The following CNTNAP2 variants were observed in gnomAD, a reference collection of about 807,000 sequenced individuals.
CNTNAP2 encodes contactin associated protein 2.
A neutral mutation model predicts 155.2 loss-of-function variants in CNTNAP2; 98 were observed. That is an observed-to-expected ratio of 0.63 (90% confidence interval 0.54 to 0.75). The LOEUF is 0.75. Ranked by LOEUF, CNTNAP2 falls within the 30% of genes least tolerant of loss-of-function variation. The probability of loss-of-function intolerance (pLI) is 0.00; values close to 1 mark genes in which losing one functional copy is unlikely to be tolerated. For missense variants in CNTNAP2, 1,727 were observed against 1,688.1 expected, an observed-to-expected ratio of 1.02 and a Z score of -0.40; for synonymous variants, 651 against 631.2, an observed-to-expected ratio of 1.03 and a Z score of -0.47.
At position 146,664,490 on chromosome 7, in the gene CNTNAP2, A is replaced by G. The variant is rs941605765; in HGVS notation, c.98-109781A>G. 7.9e-5 allele frequency among the ~76,000 whole-genome samples: 12 copies of G among 152,042 alleles called. 1 individual carries two copies. The highest frequency in any genetic ancestry group is 7.9e-4 in the Admixed American group (12 of 15,266). On this transcript the variant is annotated intron_variant, in intron 1 of 23. Transcript: ENST00000361727. The stretch of plus-strand genomic sequence containing the variant: ...GGATTGGTTTTTGAATATAAAATCA[A>G]CACTGCATTCCGGACAAAACTCCAC...
chr7:147,641,135 G>C (rs982243839), intron 13 of CNTNAP2, among the ~76,000 whole-genome samples: 3 of 152,204 alleles, frequency 2.0e-5, no homozygotes, highest in Admixed American at 2.0e-4. Flanking sequence ...TCTAAGAGCG[G>C]GGGCTTTCCT....
chr7:146,531,753 C>T (rs1029461878), intron 1 of CNTNAP2, among the ~76,000 whole-genome samples: 1 of 152,030 alleles, frequency 6.6e-6, no homozygotes, highest in Admixed American at 6.6e-5. Flanking sequence ...CCATGTTGGC[C>T]AGGCTGGTTT....
At chr7:147,457,975 C>A (rs1350755306) in intron 10 of CNTNAP2, among the ~76,000 whole-genome samples, 2 of 152,216 alleles carry the variant, frequency 1.3e-5, no homozygotes, top group East Asian at 3.9e-4. Flanking sequence ...TAGGGTATTT[C>A]TCCTTTTCAT....
intron 1 of CNTNAP2, among the ~76,000 whole-genome samples, chr7:146,730,063 T>C (rs1490212264): frequency 2.0e-5 from 3 of 152,192 alleles, no homozygotes; most frequent in Non-Finnish European, 2.9e-5. Flanking sequence ...CTACTGTGTC[T>C]GAACAGCTAT....
At chr7:148,312,416 C>A (rs186004570) in intron 21 of CNTNAP2, among the ~76,000 whole-genome samples, 1 of 152,164 alleles carries the variant, frequency 6.6e-6, no homozygotes, top group Non-Finnish European at 1.5e-5. Flanking sequence ...GTCTGTGAAG[C>A]CTTGCGGCAG....
chr7:146,620,998 T>A (rs1799307387), intron 1 of CNTNAP2, among the ~76,000 whole-genome samples: 1 of 152,212 alleles, frequency 6.6e-6, no homozygotes, highest in African/African-American at 2.4e-5. Context: ...TATGGTTTTC[T>A]TTCTTATAGA....
At chr7:147,850,266 A>G (rs1454914928) in intron 13 of CNTNAP2, among the ~76,000 whole-genome samples, 2 of 152,224 alleles carry the variant, frequency 1.3e-5, no homozygotes, top group Non-Finnish European at 2.9e-5. Flanking sequence ...GAAATAAAAG[A>G]GGACACAAAC....
intron 8 of CNTNAP2, among the ~76,000 whole-genome samples, chr7:147,245,702 C>T (rs1804045524): frequency 7.9e-6 from 1 of 126,390 alleles, no homozygotes; most frequent in African/African-American, 3.1e-5. Context: ...GGCATGTTGG[C>T]AGTAAGCTGA....
At chr7:148,022,853 C>T (rs1802309184) in intron 15 of CNTNAP2, among the ~76,000 whole-genome samples, 1 of 152,056 alleles carries the variant, frequency 6.6e-6, no homozygotes, top group Non-Finnish European at 1.5e-5. Flanking sequence ...GAGAACAGAC[C>T]TTTCGAAGCC....
At chr7:147,614,217 A>AT (rs1189196128) in intron 12 of CNTNAP2, among the ~76,000 whole-genome samples, 1 of 152,112 alleles carries the variant, frequency 6.6e-6, no homozygotes, top group Non-Finnish European at 1.5e-5. Flanking sequence ...TTAAATACAA[A>AT]TTTTTTCCAC....
intron 3 of CNTNAP2, among the ~76,000 whole-genome samples, chr7:147,018,770 C>G (rs949229088): frequency 1.3e-5 from 2 of 151,892 alleles, no homozygotes; most frequent in African/African-American, 4.8e-5. Flanking sequence ...AATAAAGAGC[C>G]GCTATGTTCT....
intron 1 of CNTNAP2, among the ~76,000 whole-genome samples, chr7:146,723,283 G>C (rs1184691153): frequency 6.6e-6 from 1 of 152,126 alleles, no homozygotes; most frequent in African/African-American, 2.4e-5. Flanking sequence ...GCCACCAGAA[G>C]CTAGAAGGGG....
intron 3 of CNTNAP2, among the ~76,000 whole-genome samples, chr7:146,908,674 C>T (rs1271159947): frequency 7.7e-6 from 1 of 129,678 alleles, no homozygotes; most frequent in Non-Finnish European, 1.6e-5. Context: ...AAATTTATAG[C>T]ACTAAATGCC....
chr7:147,468,595 A>G (rs1206603199), intron 10 of CNTNAP2, among the ~76,000 whole-genome samples: 1 of 152,188 alleles, frequency 6.6e-6, no homozygotes, highest in Admixed American at 6.5e-5. Flanking sequence ...CTTACTGCAT[A>G]ATTATATTTT....
intron 3 of CNTNAP2, among the ~76,000 whole-genome samples, chr7:146,899,015 C>T (rs527648569): frequency 6.6e-6 from 1 of 152,184 alleles, no homozygotes; most frequent in Admixed American, 6.5e-5. Flanking sequence ...ATTATTCAAC[C>T]TTTGTGTGGC....
intron 21 of CNTNAP2, among the ~76,000 whole-genome samples, chr7:148,302,813 C>CTTTTT (rs59354674): frequency 5.1e-4 from 44 of 86,916 alleles, no homozygotes; most frequent in Non-Finnish European, 6.1e-4. Flanking sequence ...CTCGATTATT[C>CTTTTT]TTTTTTTTTT....
chr7:147,339,634 T>A (rs551424665), intron 9 of CNTNAP2, among the ~76,000 whole-genome samples: 23 of 152,142 alleles, frequency 1.5e-4, no homozygotes, highest in African/African-American at 5.3e-4. Flanking sequence ...TTGTAAAAAT[T>A]ATAAAAGAAA....
intron 1 of CNTNAP2, among the ~76,000 whole-genome samples, chr7:146,221,777 T>C (rs767341972): frequency 3.9e-4 from 59 of 152,288 alleles, no homozygotes; most frequent in Non-Finnish European, 7.2e-4. Context: ...ATTCAGAAAA[T>C]GTAATGTCTA....
chr7:146,330,296 A>G lies in CNTNAP2; in HGVS notation c.97+213323A>G, dbSNP rs551950378. Among the ~76,000 whole-genome samples, 643 of 152,214 alleles carry G rather than the reference A, an allele frequency of 4.2e-3. 4 individuals carry two copies. Among genetic ancestry groups the G allele is most frequent in the African/African-American group, 0.015 (621 of 41,530 alleles). On this transcript the variant is annotated intron_variant, in intron 1 of 23. Transcript: ENST00000361727. Reference sequence around the variant, plus strand: ...CTCGGCCTCCCAAAGTGCTGGGATTACAGGCGTGAGCCACTGCGCCCGGCT... The same window carrying G: ...CTCGGCCTCCCAAAGTGCTGGGATTGCAGGCGTGAGCCACTGCGCCCGGCT...
Sources: allele counts gnomAD v4.1 joint callset (sites outside exome capture counted in the v4.1 genomes callset), GRCh38; gene constraint gnomAD v4.1.1; transcripts MANE v1.5; gene names NCBI Gene and HGNC (gene_info 2026-07-23, HGNC 2026-07-21).